Variants in NOMO1 observed in about 807,000 individuals in gnomAD.
NOMO1 encodes nodal modulator 3.
In NOMO1, 40 loss-of-function variants were observed where a neutral mutation model predicts 133.8. The observed-to-expected ratio is 0.30, with a 90% CI of 0.23 to 0.39. NOMO1 has a LOEUF of 0.39. Ranked by LOEUF, NOMO1 falls within the 10% of genes least tolerant of loss-of-function variation. NOMO1 has a pLI of 1.00. For synonymous variants in NOMO1, 236 were observed against 570.5 expected, an observed-to-expected ratio of 0.41 and a Z score of 8.36; for missense variants, 462 against 1,419.9, an observed-to-expected ratio of 0.33 and a Z score of 10.84.
chr16:14,856,498 G>A (rs1453222045), intron 9 of NOMO1, among the ~76,000 whole-genome samples: 1 of 151,500 alleles, frequency 6.6e-6, no homozygotes, highest in African/African-American at 2.4e-5. Flanking sequence ...TGCAACCTCC[G>A]CATCCCGAGT....
intron 5 of NOMO1, among the ~76,000 whole-genome samples, chr16:14,846,921 A>G (rs1007429129): frequency 4.7e-5 from 7 of 150,164 alleles, no homozygotes; most frequent in East Asian, 2.0e-4. Flanking sequence ...GGCCAGGCAT[A>G]TTGGCTTGCG....
chr16:14,886,160 C>T (rs1229661504), intron 27 of NOMO1, among the ~76,000 whole-genome samples: 2 of 151,840 alleles, frequency 1.3e-5, no homozygotes, highest in Non-Finnish European at 2.9e-5. Context: ...AAGCCAGAAA[C>T]AAAGTACTCC....
intron 29 of NOMO1, among the ~76,000 whole-genome samples, chr16:14,891,519 AATTT>A (rs1964405370): frequency 6.6e-6 from 1 of 151,568 alleles, no homozygotes; most frequent in African/African-American, 2.4e-5. Context: ...CTTTTACAGG[AATTT>A]ATTGTGTTTT....
At chr16:14,871,466 C>T (rs1248178725) in intron 16 of NOMO1, among the ~76,000 whole-genome samples, 155 bp from the exon 17 acceptor site, 1 of 152,066 alleles carries the variant, frequency 6.6e-6, no homozygotes, top group Admixed American at 6.5e-5. Context: ...GCAGTGAAAA[C>T]GATGCCTGCC....
intron 7 of NOMO1, among the ~76,000 whole-genome samples, chr16:14,852,825 AC>A (rs1298679991): frequency 2.1e-5 from 3 of 145,446 alleles, no homozygotes; most frequent in African/African-American, 7.7e-5. Context: ...ACATTATGAA[AC>A]CCCATCTCTA....
chr16:14,884,185 A>G (rs560073490), intron 26 of NOMO1, among the ~76,000 whole-genome samples, 187 bp from the exon 27 acceptor site: 29 of 152,054 alleles, frequency 1.9e-4, no homozygotes, highest in Non-Finnish European at 2.6e-4. Flanking sequence ...AAATGTGTCT[A>G]TGGGCCAGGG....
chr16:14,844,331 A>T (rs1209845748), intron 3 of NOMO1, among the ~76,000 whole-genome samples: 2 of 151,888 alleles, frequency 1.3e-5, no homozygotes, highest in Non-Finnish European at 2.9e-5. Context: ...CTGGTCGTTG[A>T]TGAGCATTCA....
rs758558295 is a variant in NOMO1 at position 14,889,091 on chromosome 16, C to T, written c.3325-5C>T. On this transcript the variant is annotated splice_region_variant and splice_polypyrimidine_tract_variant and intron_variant, in intron 28 of 30. Transcript: ENST00000287667. ...TAAAAATAACTTCTTCCCATGTGTG[C>T]ACAGAACTATGTTGTGCTTCTGGAC... 3.8e-5 allele frequency: 61 copies of T among 1,611,684 alleles called. No individual in the cohort carries two copies. In the Middle Eastern group the frequency reaches 1.8e-3, roughly 47 times the overall value.
At position 14,866,448 on chromosome 16, in the gene NOMO1, C is replaced by T; in HGVS notation, c.1670-107C>T. The stretch of plus-strand genomic sequence containing the variant: ...ATTTCTATCTTTATGTCTACATACA[C>T]ACCTGCTTTTTAAAATTGATTAATT... On this transcript the variant is annotated intron_variant, in intron 14 of 30. Coordinates refer to ENST00000287667, the MANE Select transcript of NOMO1 (RefSeq NM_014287.4). The T allele has an allele frequency of 1.9e-6, 3 of 1,603,434 alleles. No individual in the cohort carries two copies. In the South Asian group the frequency reaches 3.3e-5, roughly 18 times the overall value.
intron 1 of NOMO1, among the ~76,000 whole-genome samples, chr16:14,837,293 G>A (rs1359842889): frequency 6.6e-6 from 1 of 152,100 alleles, no homozygotes; most frequent in Non-Finnish European, 1.5e-5. Flanking sequence ...ACAGGCATGA[G>A]CCACCATGCC....
At chr16:14,836,694 C>CTGTTTTT (rs1441454921) in intron 1 of NOMO1, among the ~76,000 whole-genome samples, 1 of 131,270 alleles carries the variant, frequency 7.6e-6, no homozygotes, top group African/African-American at 2.9e-5. Flanking sequence ...TTCCATTTTA[C>CTGTTTTT]TTTTTTTTTT....
chr16:14,845,961 G>C (rs1193095249), intron 4 of NOMO1, among the ~76,000 whole-genome samples: 1 of 150,456 alleles, frequency 6.6e-6, no homozygotes, highest in Non-Finnish European at 1.5e-5. Context: ...CCAGTAGCTG[G>C]GATTACAGGC....
At position 14,857,316 on chromosome 16, in the gene NOMO1, A is replaced by G; in HGVS notation, c.1063A>G (p.Ile355Val). 2.5e-6 allele frequency: 4 copies of G among 1,585,132 alleles called. No homozygotes were observed. In the African/African-American group the frequency reaches 4.1e-5, roughly 16 times the overall value. ...AGCAGTAGTCACCCTGAATAACCAA[A>G]TCAAAGGTGGGCTGACACAGCAGCC... Reference protein sequence around the residue: ...PEAVVTLNNQIKVKTKADGSF... With the variant: ...PEAVVTLNNQVKVKTKADGSF... Residue 355 changes from isoleucine to valine, a missense_variant, in exon 10 of 31, where the codon ATC becomes GTC. Physicochemically the swap from Ile to Val is conservative, Grantham distance 29. Transcript: ENST00000287667.
In NOMO1 at chr16:14,858,737, T is replaced by A. The variant is rs1324780851; in HGVS notation, c.1220+1082T>A. On this transcript the variant is annotated intron_variant, in intron 11 of 30. Coordinates refer to ENST00000287667, the MANE Select transcript of NOMO1 (RefSeq NM_014287.4). Reference sequence around the variant, plus strand: ...AACGGGCCATGAGTGGTTTTGAGCATTAATATAACAAGCTTTGATCATTGT... The same window carrying A: ...AACGGGCCATGAGTGGTTTTGAGCAATAATATAACAAGCTTTGATCATTGT... Among the ~76,000 whole-genome samples, 3 of 152,040 alleles carry A rather than the reference T, an allele frequency of 2.0e-5. No homozygotes were observed. The East Asian group carries it at 5.8e-4, about 29-fold the overall frequency.
At chr16:14,839,145 C>G (rs1020724927) in intron 2 of NOMO1, among the ~76,000 whole-genome samples, 1 of 151,810 alleles carries the variant, frequency 6.6e-6, no homozygotes, top group African/African-American at 2.4e-5. Flanking sequence ...ACCTCCACCC[C>G]CCAGGTTCAA....
chr16:14,888,661 T>C (rs916867516), intron 28 of NOMO1: 8 of 293,738 alleles, frequency 2.7e-5, no homozygotes, highest in Admixed American at 2.0e-4. Context: ...CCAGGGATGC[T>C]GTATTTTTAG....
At chr16:14,856,536 C>A (rs527267230) in intron 9 of NOMO1, among the ~76,000 whole-genome samples, 1 of 151,746 alleles carries the variant, frequency 6.6e-6, no homozygotes, top group African/African-American at 2.4e-5. Flanking sequence ...CTCAGCCTCC[C>A]GAGTAGCTGG....
At chr16:14,839,076 A>G (rs556028477) in intron 2 of NOMO1, among the ~76,000 whole-genome samples, 4 of 149,950 alleles carry the variant, frequency 2.7e-5, no homozygotes, top group Non-Finnish European at 3.0e-5. Context: ...TTCTTTTGAG[A>G]TGGAGTCTCG....
Position 14,892,968 on chromosome 16 carries a change from G to A in NOMO1, c.3445-2030G>A, listed in dbSNP as rs528948547. The stretch of plus-strand genomic sequence containing the variant: ...TGTTGATGTGACTGCCCACAGCCTC[G>A]CGACTGGATTTTACTCAGTATTCCA... On this transcript the variant is annotated intron_variant, in intron 29 of 30. Coordinates refer to ENST00000287667, the MANE Select transcript of NOMO1 (RefSeq NM_014287.4). Among the ~76,000 whole-genome samples the A allele has an allele frequency of 2.5e-3, 337 of 135,062 alleles. 2 individuals carry two copies. Among genetic ancestry groups the A allele is most frequent in the African/African-American group, 8.3e-3 (318 of 38,394 alleles). 88.6% of individuals were successfully genotyped at this position (135,062 alleles called of 152,430 possible).
Sources: allele counts gnomAD v4.1 joint callset (sites outside exome capture counted in the v4.1 genomes callset), GRCh38; gene constraint gnomAD v4.1.1; transcripts MANE v1.5; gene names NCBI Gene and HGNC (gene_info 2026-07-23, HGNC 2026-07-21).